The following LARS2 variants were observed in gnomAD, a reference collection of about 807,000 sequenced individuals.
The protein encoded by LARS2 is leucyl-tRNA synthetase 2, mitochondrial.
A neutral mutation model predicts 116.6 loss-of-function variants in LARS2; 81 were observed. The observed-to-expected ratio is 0.69, with a 90% CI of 0.58 to 0.84. The LOEUF is 0.84. LARS2 is among the 40% of genes least tolerant of loss of function. The pLI, the probability that LARS2 is intolerant of heterozygous loss-of-function variation, is 0.00. For synonymous variants in LARS2, 396 were observed against 407.2 expected (o/e 0.97, Z 0.33); for missense variants, 968 against 1,114.5 (o/e 0.87, Z 1.87).
At chr3:45,495,439 A>G (rs1331136488) in intron 13 of LARS2, 2 of 152,192 alleles carry the variant, frequency 1.3e-5, no homozygotes, top group Non-Finnish European at 2.9e-5. Context: ...TGGAGCAACC[A>G]TTGCCTTTGG....
intron 15 of LARS2, among the ~76,000 whole-genome samples, chr3:45,501,965 A>C (rs1700130116): frequency 6.6e-6 from 1 of 151,974 alleles, no homozygotes; most frequent in Admixed American, 6.6e-5. Flanking sequence ...GCAGGTACAT[A>C]GTAGGTGTAT....
chr3:45,391,801 G>A (rs1291497205), intron 2 of LARS2, among the ~76,000 whole-genome samples, 153 bp downstream of exon 2: 1 of 152,210 alleles, frequency 6.6e-6, no homozygotes, highest in African/African-American at 2.4e-5. Context: ...TTTAAGCAAA[G>A]CAGAGGTCAT....
chr3:45,443,818 T>C (rs1034876808), intron 6 of LARS2, among the ~76,000 whole-genome samples: 1 of 152,112 alleles, frequency 6.6e-6, no homozygotes, highest in Non-Finnish European at 1.5e-5. Flanking sequence ...AAATGTAATA[T>C]AAATAAAATA....
At chr3:45,542,636 G>A (rs1235043343) in intron 21 of LARS2, among the ~76,000 whole-genome samples, 1 of 152,218 alleles carries the variant, frequency 6.6e-6, no homozygotes, top group African/African-American at 2.4e-5. Flanking sequence ...CATGGGGCCA[G>A]GTAATTCACA....
At chr3:45,544,158 GT>G (rs1250419769) in intron 21 of LARS2, among the ~76,000 whole-genome samples, 1 of 152,200 alleles carries the variant, frequency 6.6e-6, no homozygotes, top group East Asian at 1.9e-4. Context: ...ATGTCATTCA[GT>G]TCAATTGTGC....
intron 8 of LARS2, among the ~76,000 whole-genome samples, chr3:45,471,003 A>G (rs1430797997): frequency 7.0e-6 from 1 of 143,868 alleles, no homozygotes; most frequent in Admixed American, 7.1e-5. Flanking sequence ...AAGACATGAA[A>G]TGAGGCGAAT....
intron 4 of LARS2, among the ~76,000 whole-genome samples, chr3:45,404,424 G>A (rs982959501): frequency 1.3e-5 from 2 of 152,172 alleles, no homozygotes; most frequent in African/African-American, 4.8e-5. Context: ...GTGAAAGAAA[G>A]TCTGTTGAGC....
chr3:45,526,478 C>G (rs1700533399), intron 20 of LARS2, among the ~76,000 whole-genome samples: 1 of 152,156 alleles, frequency 6.6e-6, no homozygotes, highest in South Asian at 2.1e-4. Context: ...CCATGGGTTG[C>G]TGCTTGTGGA....
chr3:45,516,244 C>G lies in LARS2; in HGVS notation c.2012C>G (p.Pro671Arg). 6.2e-7 allele frequency: 1 copy of G among 1,613,988 alleles called. No individual in the cohort carries two copies. Among genetic ancestry groups the G allele is most frequent in the African/African-American group, 1.3e-5 (1 of 75,038 alleles). Residue 671 changes from proline to arginine, a missense_variant, in exon 17 of 22, where the codon CCT (proline) becomes CGT (arginine). Coordinates refer to ENST00000645846, the MANE Select transcript of LARS2 (RefSeq NM_015340.4). ...CGGCTCTACATCCTTTTTGCTGCCC[C>G]TCCTGAGAAGGATATCTTGTGGGAT... Reference protein sequence around the residue: ...TIRLYILFAAPPEKDILWDVK... With the variant: ...TIRLYILFAARPEKDILWDVK...
chr3:45,408,281 T>C (rs1254931746), intron 4 of LARS2, among the ~76,000 whole-genome samples: 5 of 152,352 alleles, frequency 3.3e-5, no homozygotes, highest in African/African-American at 1.2e-4. Flanking sequence ...CACCTGGGTG[T>C]GCCATGGCCA....
chr3:45,473,355 C>CGT (rs141376705), intron 8 of LARS2, among the ~76,000 whole-genome samples: 3 of 149,954 alleles, frequency 2.0e-5, no homozygotes, highest in African/African-American at 4.9e-5. Context: ...GCTTTGGGTG[C>CGT]GTGTGTGTGT....
chr3:45,462,121 T>C (rs1025642228), intron 8 of LARS2, among the ~76,000 whole-genome samples: 1 of 152,070 alleles, frequency 6.6e-6, no homozygotes, highest in African/African-American at 2.4e-5. Context: ...ACCTGAGAAA[T>C]GGTGGCTTAA....
intron 12 of LARS2, among the ~76,000 whole-genome samples, chr3:45,490,554 A>T (rs1202364792): frequency 1.3e-5 from 2 of 152,266 alleles, no homozygotes; most frequent in Non-Finnish European, 2.9e-5. Flanking sequence ...GATTTGCATC[A>T]CGACTGTGAT....
At chr3:45,543,931 G>C (rs567097075) in intron 21 of LARS2, among the ~76,000 whole-genome samples, 3 of 152,314 alleles carry the variant, frequency 2.0e-5, no homozygotes, top group East Asian at 3.9e-4. Flanking sequence ...AAAAGAAATT[G>C]AGTTTTGATC....
intron 1 of LARS2, among the ~76,000 whole-genome samples, chr3:45,391,020 A>G (rs1697937667): frequency 6.6e-6 from 1 of 152,122 alleles, no homozygotes; most frequent in African/African-American, 2.4e-5. Context: ...TTGTTTTTGC[A>G]GTTTTGCTGA....
chr3:45,478,786 T>C (rs915935381), intron 10 of LARS2, among the ~76,000 whole-genome samples: 1 of 152,228 alleles, frequency 6.6e-6, no homozygotes, highest in Non-Finnish European at 1.5e-5. Context: ...AATCTCTAAA[T>C]TAATTTGCAC....
intron 8 of LARS2, among the ~76,000 whole-genome samples, chr3:45,472,734 C>T (rs1419740716): frequency 6.6e-6 from 1 of 152,150 alleles, no homozygotes; most frequent in African/African-American, 2.4e-5. Flanking sequence ...TGGGAGTCAG[C>T]TACATCTTGC....
At chr3:45,483,818 A>G (rs963315475) in intron 10 of LARS2, among the ~76,000 whole-genome samples, 1 of 152,148 alleles carries the variant, frequency 6.6e-6, no homozygotes, top group African/African-American at 2.4e-5. Flanking sequence ...TTTCCCTACC[A>G]TATCTCATTC....
At chr3:45,530,212 A>G (rs1260347273) in intron 20 of LARS2, among the ~76,000 whole-genome samples, 2 of 152,178 alleles carry the variant, frequency 1.3e-5, no homozygotes, top group African/African-American at 4.8e-5. Context: ...TGTTTTTTTA[A>G]CATATAAACT....
Sources: gnomAD v4.1 joint callset for allele counts (sites outside exome capture counted in the v4.1 genomes callset) on GRCh38, gnomAD v4.1.1 for gene constraint, MANE v1.5 for transcripts, NCBI Gene and HGNC (gene_info 2026-07-23, HGNC 2026-07-21) for gene names.